Variants in CTNNA3 observed in about 807,000 individuals in gnomAD.
CTNNA3 encodes the protein catenin alpha-3.
CTNNA3 carries 76 observed loss-of-function variants against 95.7 expected under a neutral mutation model. The observed-to-expected ratio is 0.79, with a 90% CI of 0.66 to 0.96. CTNNA3 has a LOEUF of 0.96. CTNNA3 is among the 40% of genes least tolerant of loss of function. The pLI, the probability that CTNNA3 is intolerant of heterozygous loss-of-function variation, is 0.00. For synonymous variants in CTNNA3, 431 were observed against 374.4 expected (o/e 1.15, Z -1.74); for missense variants, 1,191 against 1,089.8 (o/e 1.09, Z -1.31).
intron 7 of CTNNA3, among the ~76,000 whole-genome samples, chr10:66,998,412 A>G (rs1197201060): frequency 6.6e-6 from 1 of 152,228 alleles, no homozygotes; most frequent in Non-Finnish European, 1.5e-5. Context: ...ACATAAATCA[A>G]AATATATCAA....
intron 11 of CTNNA3, among the ~76,000 whole-genome samples, chr10:66,508,190 T>G (rs1017573762): frequency 3.4e-5 from 5 of 146,724 alleles, no homozygotes; most frequent in African/African-American, 1.3e-4. Flanking sequence ...GTTTTTTTTT[T>G]TTGTTTTGTT....
intron 5 of CTNNA3, among the ~76,000 whole-genome samples, chr10:67,250,553 G>A (rs1464590507): frequency 6.6e-6 from 1 of 152,078 alleles, no homozygotes; most frequent in Non-Finnish European, 1.5e-5. Context: ...GTTCCGCAGG[G>A]CAGATTTCAA....
intron 3 of CTNNA3, among the ~76,000 whole-genome samples, chr10:67,552,177 GAATAC>G (rs1841056378): frequency 6.6e-6 from 1 of 152,136 alleles, no homozygotes; most frequent in African/African-American, 2.4e-5. Context: ...GCACATTCAA[GAATAC>G]AATACGACAA....
intron 13 of CTNNA3, among the ~76,000 whole-genome samples, chr10:66,238,556 G>A (rs1488173359): frequency 6.6e-6 from 1 of 151,934 alleles, no homozygotes; most frequent in African/African-American, 2.4e-5. Flanking sequence ...AGTAAAAATA[G>A]CATGCGATGA....
intron 5 of CTNNA3, among the ~76,000 whole-genome samples, chr10:67,340,152 CAAATA>C (rs1369227378): frequency 1.3e-4 from 19 of 151,924 alleles, no homozygotes; most frequent in Non-Finnish European, 7.4e-5. Flanking sequence ...TGGCTTTGTA[CAAATA>C]AAATATAATA....
intron 3 of CTNNA3, among the ~76,000 whole-genome samples, chr10:67,579,210 C>T (rs1173823583): frequency 1.3e-5 from 1 of 74,868 alleles, no homozygotes; most frequent in African/African-American, 7.5e-5. Context: ...CCCCTCCCCC[C>T]ACCCCATAAC....
At chr10:66,688,250 CA>C (rs1392686175) in intron 9 of CTNNA3, among the ~76,000 whole-genome samples, 1 of 152,102 alleles carries the variant, frequency 6.6e-6, no homozygotes, top group African/African-American at 2.4e-5. Context: ...CCCTTCTGAT[CA>C]AAAGCAATCA....
intron 5 of CTNNA3, among the ~76,000 whole-genome samples, chr10:67,282,373 G>A (rs543509315): frequency 1.3e-5 from 2 of 152,168 alleles, no homozygotes; most frequent in Admixed American, 6.5e-5. Context: ...ATACTCCCAT[G>A]GGAACACAAA....
chr10:66,906,714 C>A (rs1846002509), intron 7 of CTNNA3, among the ~76,000 whole-genome samples: 1 of 151,946 alleles, frequency 6.6e-6, no homozygotes, highest in Non-Finnish European at 1.5e-5. Flanking sequence ...TCGAAGTCAT[C>A]AAATTTTTGC....
chr10:67,220,554 A>G (rs1459326874), intron 5 of CTNNA3, among the ~76,000 whole-genome samples: 1 of 152,220 alleles, frequency 6.6e-6, no homozygotes, highest in African/African-American at 2.4e-5. Flanking sequence ...ATTTCAGGTG[A>G]CAATAAATGC....
chr10:66,782,725 T>C (rs538587596), intron 7 of CTNNA3, among the ~76,000 whole-genome samples: 1 of 152,296 alleles, frequency 6.6e-6, no homozygotes, highest in African/African-American at 2.4e-5. Flanking sequence ...TAATAAGTAA[T>C]ATTCAAGCTA....
intron 11 of CTNNA3, among the ~76,000 whole-genome samples, chr10:66,443,834 G>A (rs190998307): frequency 6.6e-6 from 1 of 152,206 alleles, no homozygotes; most frequent in Non-Finnish European, 1.5e-5. Context: ...GAATGACATT[G>A]ATGAGTTGAG....
At chr10:66,714,497 T>G (rs769013320) in intron 9 of CTNNA3, among the ~76,000 whole-genome samples, 1 of 152,170 alleles carries the variant, frequency 6.6e-6, no homozygotes, top group Non-Finnish European at 1.5e-5. Context: ...CATCACTGCT[T>G]CCATAAAACT....
chr10:67,395,304 AAG>A (rs1844670801), intron 5 of CTNNA3, among the ~76,000 whole-genome samples: 1 of 152,158 alleles, frequency 6.6e-6, no homozygotes, highest in Non-Finnish European at 1.5e-5. Flanking sequence ...AGAAAAAACT[AAG>A]AGACTTTCTG....
intron 14 of CTNNA3, among the ~76,000 whole-genome samples, chr10:66,072,473 C>T (rs2080460437): frequency 8.4e-6 from 1 of 119,162 alleles, no homozygotes; most frequent in African/African-American, 2.9e-5. Flanking sequence ...AAGGCAGAGT[C>T]TTGCTCTGTC....
chr10:66,769,228 T>G (rs1413833977), intron 8 of CTNNA3, among the ~76,000 whole-genome samples: 1 of 152,228 alleles, frequency 6.6e-6, no homozygotes, highest in African/African-American at 2.4e-5. Context: ...CCAACTTTTG[T>G]CATCTTTTCG....
chr10:65,976,021 A>ACCTC (rs2078202574), intron 16 of CTNNA3, among the ~76,000 whole-genome samples: 1 of 152,134 alleles, frequency 6.6e-6, no homozygotes, highest in Non-Finnish European at 1.5e-5. Flanking sequence ...TTCATGAGGT[A>ACCTC]AGTGGAATCA....
chr10:66,119,802 T>C (rs1461625771), intron 13 of CTNNA3, among the ~76,000 whole-genome samples: 2 of 152,272 alleles, frequency 1.3e-5, no homozygotes, highest in East Asian at 3.9e-4. Flanking sequence ...TAGTTGCTGA[T>C]GAGGAACCAA....
At chr10:66,388,918 A>G (rs2092914458) in intron 11 of CTNNA3, among the ~76,000 whole-genome samples, 1 of 152,138 alleles carries the variant, frequency 6.6e-6, no homozygotes, top group East Asian at 1.9e-4. Flanking sequence ...GAAAAAGAAA[A>G]TCAAAATGTT....
Sources: allele counts gnomAD v4.1 joint callset (sites outside exome capture counted in the v4.1 genomes callset), GRCh38; gene constraint gnomAD v4.1.1; transcripts MANE v1.5; gene names NCBI Gene and HGNC (gene_info 2026-07-23, HGNC 2026-07-21).